HTATSF1: variants seen among roughly 807,000 people sequenced by gnomAD.
The protein encoded by HTATSF1 is 17S U2 SnRNP complex component HTATSF1.
In HTATSF1, 6 loss-of-function variants were observed where a neutral mutation model predicts 46.1. That is an observed-to-expected ratio of 0.13 (90% confidence interval 0.07 to 0.26). The LOEUF is 0.26. Among genes scored for constraint, HTATSF1 ranks in the 10% least tolerant of loss-of-function variants. The pLI is 1.00. For missense variants in HTATSF1, 452 were observed against 559.9 expected (o/e 0.81, Z 1.94); for synonymous variants, 226 against 211.5 (o/e 1.07, Z -0.60).
intron 1 of HTATSF1, 111 bp from the exon 2 acceptor site, chrX:136,499,487 A>G (rs1489850212): frequency 1.5e-5 from 8 of 540,455 alleles, no homozygotes; most frequent in Non-Finnish European, 2.3e-5. Context: ...ATCCACAGAA[A>G]CACTTTTGTG....
At chrX:136,505,976 C>G (rs1329825246) in intron 6 of HTATSF1, among the ~76,000 whole-genome samples, 1 of 111,979 alleles carries the variant, frequency 8.9e-6, no homozygotes, top group East Asian at 2.8e-4. Flanking sequence ...TTCTGTGACT[C>G]GAGGTCTTTG....
chrX:136,507,153 T>G (rs771933919), intron 6 of HTATSF1, among the ~76,000 whole-genome samples: 3 of 111,682 alleles, frequency 2.7e-5, no homozygotes, highest in Non-Finnish European at 5.6e-5. Flanking sequence ...ACAGCAGCAT[T>G]GAGCTTTTTA....
At chrX:136,499,191 A>G (rs965928896) in intron 1 of HTATSF1, among the ~76,000 whole-genome samples, 1 of 112,480 alleles carries the variant, frequency 8.9e-6, no homozygotes, top group African/African-American at 3.2e-5. Flanking sequence ...AGAAAATTGG[A>G]TTCTGTGGTT....
rs1190428011 is a variant in HTATSF1, at chrX:136,512,001, CGAT to C, written c.2260_2262del (p.Asp754del). ...TTATTCTCAGTAGCGATGATGATGA[CGAT>C]GATATTTAATCCCTTAAACTTGCTT... On this transcript the variant is annotated inframe_deletion, in exon 9 of 9. Coordinates refer to ENST00000218364, the MANE Select transcript of HTATSF1 (RefSeq NM_014500.5). 1.7e-6 allele frequency: 2 copies of C among 1,200,795 alleles called. No individual in the cohort carries two copies. The highest frequency in any genetic ancestry group is 2.2e-5 in the Admixed American group (1 of 44,541).
At chrX:136,501,441 T>C in intron 4 of HTATSF1, among the ~76,000 whole-genome samples, 1 of 112,455 alleles carries the variant, frequency 8.9e-6, no homozygotes, top group Non-Finnish European at 1.9e-5. Context: ...TTTTTGAATG[T>C]GAGAAAAGAG....
At chrX:136,510,762 C>T (rs199738009) in intron 8 of HTATSF1, 46 bp from the exon 9 acceptor site, 4 of 1,143,626 alleles carry the variant, frequency 3.5e-6, no homozygotes, top group East Asian at 3.0e-5. Flanking sequence ...GAGAAGTAAC[C>T]TTTTGCCTGA....
chrX:136,511,152 G>A lies in HTATSF1; in HGVS notation c.1407G>A (p.Glu469=). The A allele has an allele frequency of 8.3e-7, 1 of 1,207,688 alleles. No homozygotes were observed. The highest frequency in any genetic ancestry group is 1.1e-6 in the Non-Finnish European group (1 of 894,486). Residue 469 remains glutamate (E), a synonymous_variant, in exon 9 of 9, where the codon GAG becomes GAA. Coordinates refer to ENST00000218364, the MANE Select transcript of HTATSF1 (RefSeq NM_014500.5). ...EEGCPEKESE[E]GCPKRGFEGS... ...GCTGCCCTGAAAAAGAATCTGAAGA[G>A]GGCTGCCCCAAAAGAGGGTTTGAAG...
chrX:136,511,983 CAGT>C lies in HTATSF1; in HGVS notation c.2241_2243del (p.Ser748del). ...TATCCACTGGCAGCAGCTTTATTCT[CAGT>C]AGCGATGATGATGACGATGATATTT... On this transcript the variant is annotated inframe_deletion, in exon 9 of 9. Coordinates refer to ENST00000218364, the MANE Select transcript of HTATSF1 (RefSeq NM_014500.5). 8.3e-7 allele frequency: 1 copy of C among 1,204,956 alleles called. No homozygotes were observed. Among genetic ancestry groups the C allele is most frequent in the Non-Finnish European group, 1.1e-6 (1 of 892,333 alleles).
In HTATSF1 at chrX:136,511,695, T is replaced by C. The variant is rs375571141; in HGVS notation, c.1950T>C (p.Tyr650=). ...DESDEKEDEE[Y]ADEKGLEAAD... The stretch of plus-strand genomic sequence containing the variant: ...CTGATGAGAAAGAGGATGAAGAATA[T>C]GCAGATGAAAAGGGGCTTGAAGCTG... The change falls in exon 9 of 9, where the codon TAT becomes TAC. Residue 650 remains tyrosine (Y), a synonymous_variant. Transcript: ENST00000218364. 8 of 1,209,231 alleles carry C rather than the reference T, an allele frequency of 6.6e-6. No individual in the cohort carries two copies. The African/African-American group carries it at 8.8e-5, about 13-fold the overall frequency.
At position 136,508,234 on chromosome X, in the gene HTATSF1, A is replaced by G. The variant is rs193054559; in HGVS notation, c.835-857A>G. Among the ~76,000 whole-genome samples, 25 of 112,472 alleles carry G rather than the reference A, an allele frequency of 2.2e-4. No individual in the cohort carries two copies. In the East Asian group the frequency reaches 5.9e-3, roughly 26 times the overall value. ...AGATGCGCTTAAATGTTTCCTAGAA[A>G]GTATAAGTCACCTTCAATAGAAATT... On this transcript the variant is annotated intron_variant, in intron 6 of 8. Coordinates refer to ENST00000218364, the MANE Select transcript of HTATSF1 (RefSeq NM_014500.5).
chrX:136,505,786 C>CAAAACAAAACAAAAT (rs1444476388), intron 6 of HTATSF1, among the ~76,000 whole-genome samples: 2 of 110,849 alleles, frequency 1.8e-5, no homozygotes, highest in Non-Finnish European at 3.8e-5. Context: ...GACTCCATCT[C>CAAAACAAAACAAAAT]AAAACAAAAC....
At position 136,511,471 on chromosome X, in the gene HTATSF1, G is replaced by A. The variant is rs763389720; in HGVS notation, c.1726G>A (p.Glu576Lys). The A allele has an allele frequency of 4.3e-5, 52 of 1,207,751 alleles. No homozygotes were observed. Among genetic ancestry groups the A allele is most frequent in the African/African-American group, 7.0e-5 (4 of 56,950 alleles). The stretch of plus-strand genomic sequence containing the variant: ...AAATGGTCTCGAGAAAGATTTGGAC[G>A]AGGAAGGTTCTGAAAAGGAGCTTCA... ...EENGLEKDLD[E>K]EGSEKELHEN... is the part of the protein sequence containing the mutation. The change falls in exon 9 of 9, where the codon GAG becomes AAG. Residue 576 changes from glutamate to lysine, a missense_variant. Glu to Lys is a moderately conservative substitution (Grantham distance 56, BLOSUM62 1). This residue lies in a region of HTATSF1 where 246 missense variants were observed against 245.3 expected (regional missense o/e 1.00). Transcript: ENST00000218364.
Position 136,511,626 on chromosome X carries a change from GGAA to G in HTATSF1, c.1887_1889del (p.Glu631del), listed in dbSNP as rs757159646. 6 of 1,210,955 alleles carry G rather than the reference GGAA, an allele frequency of 5.0e-6. No homozygotes were observed. The highest frequency in any genetic ancestry group is 3.0e-5 in the East Asian group (1 of 33,834). On this transcript the variant is annotated inframe_deletion, in exon 9 of 9. Coordinates refer to ENST00000218364, the MANE Select transcript of HTATSF1 (RefSeq NM_014500.5). ...AGTTTGACGAAGATTCAGATGAAAA[GGAA>G]GAAGAGGAGGATACATATGAAAAAG...
chrX:136,501,422 T>TA (rs1483337124), intron 4 of HTATSF1, among the ~76,000 whole-genome samples: 14 of 112,564 alleles, frequency 1.2e-4, no homozygotes, highest in Non-Finnish European at 2.1e-4. Flanking sequence ...CTTACTGCTT[T>TA]AAAATATTTT....
Position 136,512,096 on chromosome X carries a change from CAT to C in HTATSF1, c.*84_*85del. The C allele has an allele frequency of 3.0e-6, 3 of 986,322 alleles. No individual in the cohort carries two copies. The highest frequency in any genetic ancestry group is 5.9e-5 in the Admixed American group (2 of 33,785). The allele number at this position is 986,322 out of a possible 1,213,427, so 81.3% of individuals were successfully genotyped here. A position where few individuals can be genotyped will look rare whatever the true frequency, so the allele number is the denominator to read the frequency against. Reference sequence around the variant, plus strand: ...GTAATTACTAGTAGTGTTACATGAACATGTGCATAGTGGTAGGATGCCATCAG... The same window carrying C: ...GTAATTACTAGTAGTGTTACATGAACGTGCATAGTGGTAGGATGCCATCAG... On this transcript the variant is annotated 3_prime_UTR_variant, in exon 9 of 9. Coordinates refer to ENST00000218364, the MANE Select transcript of HTATSF1 (RefSeq NM_014500.5).
chrX:136,498,355 C>T (rs2075702153), intron 1 of HTATSF1, among the ~76,000 whole-genome samples: 1 of 112,319 alleles, frequency 8.9e-6, no homozygotes, highest in Non-Finnish European at 1.9e-5. Context: ...TGTCCCTAGG[C>T]ATATATGTTT....
chrX:136,497,295 G>A (rs868164405), upstream of HTATSF1: 1 of 113,072 alleles, frequency 8.8e-6, no homozygotes, highest in Non-Finnish European at 1.9e-5. Context: ...TAGTTTAGAA[G>A]TAATTTCCTG....
intron 3 of HTATSF1, 51 bp from the exon 4 acceptor site, chrX:136,500,613 T>C (rs2075713835): frequency 2.4e-6 from 2 of 823,570 alleles, no homozygotes; most frequent in Non-Finnish European, 3.4e-6. Flanking sequence ...TGCTAAGTAA[T>C]TCACCTTCAT....
intron 3 of HTATSF1, 144 bp from the exon 4 acceptor site, chrX:136,500,520 A>T: frequency 2.3e-6 from 1 of 438,060 alleles, no homozygotes; most frequent in South Asian, 4.9e-5. Flanking sequence ...AAATTTCTTC[A>T]GTTCCGTAAA....
Sources: gnomAD v4.1 joint callset for allele counts (sites outside exome capture counted in the v4.1 genomes callset) on GRCh38, gnomAD v4.1.1 for gene constraint, gnomAD v4.1.1 regional missense constraint, MANE v1.5 for transcripts, NCBI Gene and HGNC (gene_info 2026-07-23, HGNC 2026-07-21) for gene names.